Variants in DSG1 observed in about 807,000 individuals in gnomAD.
DSG1 encodes the protein desmoglein 1.
Under a neutral mutation model 97.5 loss-of-function variants are expected in DSG1, and 39 were observed. The ratio of observed to expected loss-of-function variants is 0.40; its 90% CI spans 0.31 to 0.52. The LOEUF (loss-of-function observed/expected upper bound fraction) is 0.52, where lower values mean the gene tolerates loss of function less well. Among genes scored for constraint, DSG1 ranks in the 20% least tolerant of loss-of-function variants. DSG1 has a pLI of 0.53. For missense variants in DSG1, 1,311 were observed against 1,295.4 expected (o/e 1.01, Z -0.18); for synonymous variants, 475 against 443.4 (o/e 1.07, Z -0.90).
chr18:31,341,303 G>A (rs751951544), intron 11 of DSG1, among the ~76,000 whole-genome samples: 3 of 152,142 alleles, frequency 2.0e-5, no homozygotes, highest in Admixed American at 6.5e-5. Context: ...TAAATCAAAC[G>A]CTCACACAAA....
At position 31,331,870 on chromosome 18, in the gene DSG1, A is replaced by C. The variant is rs1404107113; in HGVS notation, c.684+3A>C. On this transcript the variant is annotated splice_donor_region_variant and intron_variant, in intron 6 of 14. Transcript: ENST00000257192. The stretch of plus-strand genomic sequence containing the variant: ...TGAATAATTTTCTAGACAGAGAGGT[A>C]ATTCTTTTTCTTTAAGTGGGTTTTT... The C allele has an allele frequency of 1.3e-5, 21 of 1,611,184 alleles. No individual in the cohort carries two copies. The highest frequency in any genetic ancestry group is 1.8e-5 in the Non-Finnish European group (21 of 1,178,324).
intron 8 of DSG1, among the ~76,000 whole-genome samples, chr18:31,335,525 A>G (rs981824703): frequency 6.6e-6 from 1 of 151,338 alleles, no homozygotes; most frequent in African/African-American, 2.4e-5. Context: ...ACATATATAT[A>G]TATTATGTGT....
Position 31,355,191 on chromosome 18 carries a change from G to A in DSG1, c.2995G>A (p.Gly999Ser). Reference protein sequence around the residue: ...GALSGAGISGGGIGLSSLGGT... With the variant: ...GALSGAGISGSGIGLSSLGGT... ...CCTGAGTGGAGCTGGCATAAGTGGT[G>A]GTGGCATTGGCCTGAGCAGCTTGGG... The change falls in exon 15 of 15, where the codon GGT becomes AGT. Residue 999 changes from glycine (G) to serine (S), a missense_variant. Gly to Ser is a moderately conservative substitution (Grantham distance 56). Around this residue, in one of 3 missense-constraint regions of DSG1, gnomAD observed 1,038 missense variants for 964.6 expected, o/e 1.08. Transcript: ENST00000257192. 2 of 1,602,618 alleles carry A rather than the reference G, an allele frequency of 1.2e-6. No homozygotes were observed. The highest frequency in any genetic ancestry group is 1.7e-6 in the Non-Finnish European group (2 of 1,173,062).
Position 31,354,453 on chromosome 18 carries a change from C to G in DSG1, c.2257C>G (p.Pro753Ala). The G allele has an allele frequency of 6.2e-7, 1 of 1,614,100 alleles. No homozygotes were observed. The highest frequency in any genetic ancestry group is 8.5e-7 in the Non-Finnish European group (1 of 1,180,020). The change falls in exon 15 of 15, where the codon CCT becomes GCT. Residue 753 changes from proline to alanine, a missense_variant. Physicochemically the swap from Pro to Ala is conservative, Grantham distance 27 (BLOSUM62 -1). Around this residue, in one of 3 missense-constraint regions of DSG1, gnomAD observed 1,038 missense variants for 964.6 expected, o/e 1.08. Transcript: ENST00000257192. Reference protein sequence around the residue: ...LDDSFLDTLGPKFKKLADISL... With the variant: ...LDDSFLDTLGAKFKKLADISL... ...TGACAGCTTCTTGGATACCCTGGGA[C>G]CTAAATTTAAGAAGTTGGCAGACAT...
At chr18:31,333,184 C>T (rs2071731113) in intron 6 of DSG1, among the ~76,000 whole-genome samples, 1 of 152,188 alleles carries the variant, frequency 6.6e-6, no homozygotes, top group African/African-American at 2.4e-5. Context: ...CCCACTACCT[C>T]TCAAAACACA....
intron 13 of DSG1, chr18:31,345,339 A>G (rs1245391976): frequency 6.6e-6 from 1 of 151,200 alleles, no homozygotes; most frequent in Non-Finnish European, 1.5e-5. Flanking sequence ...CCTACCTCAA[A>G]TATTTCTTTT....
chr18:31,341,279 G>C lies in DSG1; in HGVS notation c.1687+1254G>C, dbSNP rs374465011. On this transcript the variant is annotated intron_variant, in intron 11 of 14. Transcript: ENST00000257192. The stretch of plus-strand genomic sequence containing the variant: ...AATCATAAAATCTTAATGTCAGAAG[G>C]TACCTCAGATATTTAAATCAAACGC... 2.6e-5 allele frequency among the ~76,000 whole-genome samples: 4 copies of C among 152,200 alleles called. No homozygotes were observed. The South Asian group carries it at 6.2e-4, about 24-fold the overall frequency.
intron 8 of DSG1, 74 bp from the exon 9 acceptor site, chr18:31,336,280 T>C (rs1242052149): frequency 5.1e-6 from 7 of 1,366,188 alleles, no homozygotes; most frequent in Non-Finnish European, 7.0e-6. Flanking sequence ...TTTTTTGCTA[T>C]TATCAAAGGA....
chr18:31,348,058 G>C (rs566776970), intron 14 of DSG1, among the ~76,000 whole-genome samples: 1 of 151,078 alleles, frequency 6.6e-6, no homozygotes, highest in Non-Finnish European at 1.5e-5. Context: ...ATGCTGGTGC[G>C]CTGCACCCAC....
intron 1 of DSG1, among the ~76,000 whole-genome samples, chr18:31,325,007 G>A (rs921087469): frequency 1.3e-5 from 2 of 152,240 alleles, no homozygotes; most frequent in South Asian, 2.1e-4. Context: ...AGAGAATTGG[G>A]GAAATACGTT....
chr18:31,343,158 C>T (rs201194737), intron 11 of DSG1, among the ~76,000 whole-genome samples: 1 of 152,070 alleles, frequency 6.6e-6, no homozygotes. Flanking sequence ...GTGATCCACC[C>T]ACTTCCACCT....
At position 31,330,016 on chromosome 18, in the gene DSG1, T is replaced by C; in HGVS notation, c.497T>C (p.Ile166Thr). ...TCAATGGCTACATTTGCAGGACAAA[T>C]AGAAGAAAATTCTAATGCAAGTAAG... ...VFSMATFAGQ[I>T]EENSNANTLV... The change falls in exon 5 of 15, where the codon ATA becomes ACA. Residue 166 changes from isoleucine (I) to threonine (T), a missense_variant. Physicochemically the swap from Ile to Thr is moderately conservative, Grantham distance 89. Around this residue, in one of 3 missense-constraint regions of DSG1, gnomAD observed 259 missense variants for 304.1 expected, o/e 0.85. Coordinates refer to ENST00000257192, the MANE Select transcript of DSG1 (RefSeq NM_001942.4). 4 of 1,613,100 alleles carry C rather than the reference T, an allele frequency of 2.5e-6. No individual in the cohort carries two copies. Among genetic ancestry groups the C allele is most frequent in the Non-Finnish European group, 3.4e-6 (4 of 1,179,246 alleles).
At chr18:31,349,496 C>T (rs1190563532) in intron 14 of DSG1, among the ~76,000 whole-genome samples, 1 of 148,542 alleles carries the variant, frequency 6.7e-6, no homozygotes, top group Non-Finnish European at 1.5e-5. Flanking sequence ...TTTTCCAATT[C>T]TGTGAAGAAA....
At chr18:31,326,457 T>A (rs1000355109) in intron 1 of DSG1, 124 bp from the exon 2 acceptor site, 1 of 762,566 alleles carries the variant, frequency 1.3e-6, no homozygotes, top group Non-Finnish European at 2.1e-6. Flanking sequence ...GCTATTTGGC[T>A]GATAAAATAA....
At chr18:31,341,970 C>G (rs9964952) in intron 11 of DSG1, among the ~76,000 whole-genome samples, 69,378 of 150,994 alleles carry the variant, frequency 0.46, 16,572 homozygotes, top group South Asian at 0.54. Flanking sequence ...GAGTCTCACT[C>G]TCACCCAGGC....
rs562309145 is a variant in DSG1 at position 31,358,195 on chromosome 18, A to G, written c.*2849A>G. Among the ~76,000 whole-genome samples, 2 of 152,146 alleles carry G rather than the reference A, an allele frequency of 1.3e-5. No homozygotes were observed. Among genetic ancestry groups the G allele is most frequent in the Non-Finnish European group, 2.9e-5 (2 of 67,872 alleles). On this transcript the variant is annotated 3_prime_UTR_variant, in exon 15 of 15. Coordinates refer to ENST00000257192, the MANE Select transcript of DSG1 (RefSeq NM_001942.4). ...AAACCACAATGTTTATAAAATATCT[A>G]TCTGACTGTCTAAAGAGGTAATCTT... is the stretch of plus-strand genomic sequence containing the variant.
intron 1 of DSG1, among the ~76,000 whole-genome samples, chr18:31,325,352 G>A (rs769310258): frequency 1.7e-4 from 26 of 152,254 alleles, no homozygotes; most frequent in Non-Finnish European, 3.1e-4. Context: ...TAAGGGAAGC[G>A]CAATAACAGA....
At chr18:31,339,348 C>T (rs529908208) in intron 10 of DSG1, among the ~76,000 whole-genome samples, 7 of 152,100 alleles carry the variant, frequency 4.6e-5, no homozygotes, top group Admixed American at 2.0e-4. Context: ...AGCAACCATT[C>T]GGCATTATAA....
At chr18:31,353,669 G>A (rs1429136876) in intron 14 of DSG1, among the ~76,000 whole-genome samples, 19 of 152,094 alleles carry the variant, frequency 1.2e-4, no homozygotes, top group South Asian at 2.1e-4. Context: ...ATATAATCTC[G>A]TGGTGCGCCG....
Sources: allele counts gnomAD v4.1 joint callset (sites outside exome capture counted in the v4.1 genomes callset), GRCh38; gene constraint gnomAD v4.1.1; regional missense constraint gnomAD v4.1.1; transcripts MANE v1.5; gene names NCBI Gene and HGNC (gene_info 2026-07-23, HGNC 2026-07-21).